Variants in MAPRE1 observed in about 807,000 individuals in gnomAD.
MAPRE1 encodes microtubule associated protein RP/EB family member 1, also known as microtubule-associated protein RP/EB family member 1.
Under a neutral mutation model 32.1 loss-of-function variants are expected in MAPRE1, and 5 were observed. The ratio of observed to expected loss-of-function variants is 0.16; its 90% CI spans 0.08 to 0.33. The LOEUF (loss-of-function observed/expected upper bound fraction) is 0.33. Ranked by LOEUF, MAPRE1 falls within the 10% of genes least tolerant of loss-of-function variation. MAPRE1 has a pLI of 1.00. For synonymous variants in MAPRE1, 122 were observed against 118.9 expected, an observed-to-expected ratio of 1.03 and a Z score of -0.17; for missense variants, 209 against 327.2, an observed-to-expected ratio of 0.64 and a Z score of 2.79.
chr20:32,835,364 G>GTTTTTTTTTT (rs71190879), intron 3 of MAPRE1, among the ~76,000 whole-genome samples: 1,129 of 106,464 alleles, frequency 0.011, 118 homozygotes, highest in African/African-American at 0.018. Context: ...TTTTATTGGT[G>GTTTTTTTTTT]TTTTTTTTTT....
At chr20:32,837,827 A>G (rs6141827) in intron 4 of MAPRE1, among the ~76,000 whole-genome samples, 29,356 of 152,180 alleles carry the variant, frequency 0.19, 3,029 homozygotes, top group East Asian at 0.35. Context: ...TCATGCCTGT[A>G]AATCCCAGCG....
At chr20:32,835,708 T>A (rs2146131417) in intron 3 of MAPRE1, among the ~76,000 whole-genome samples, 1 of 149,648 alleles carries the variant, frequency 6.7e-6, no homozygotes, top group South Asian at 2.1e-4. Flanking sequence ...CGGGTTCAAG[T>A]GATTCTCGTG....
At chr20:32,827,780 A>G (rs1982903075) in intron 2 of MAPRE1, among the ~76,000 whole-genome samples, 2 of 151,870 alleles carry the variant, frequency 1.3e-5, no homozygotes, top group Non-Finnish European at 2.9e-5. Context: ...CCTGTAGTCC[A>G]GCTACCCGGG....
Position 32,849,878 on chromosome 20 carries a change from GATA to G in MAPRE1, c.*1152_*1154del. The G allele has an allele frequency of 6.5e-6, 1 of 152,720 alleles. No individual in the cohort carries two copies. Among genetic ancestry groups the G allele is most frequent in the Middle Eastern group, 3.4e-3 (1 of 294 alleles). 9.5% of individuals were successfully genotyped at this position (152,720 alleles called of 1,614,324 possible). A position where few individuals can be genotyped will look rare whatever the true frequency, so the allele number is the denominator to read the frequency against. On this transcript the variant is annotated 3_prime_UTR_variant, in exon 7 of 7. Transcript: ENST00000375571. ...TTGCCAGTGCACTAATCTCTTTGGA[GATA>G]AAATTCATTAGTGTGTTACTAAATG...
chr20:32,841,703 G>A (rs1983369171), intron 5 of MAPRE1, among the ~76,000 whole-genome samples: 1 of 149,170 alleles, frequency 6.7e-6, no homozygotes, highest in African/African-American at 2.5e-5. Flanking sequence ...TATCCTGGGT[G>A]ATGGAGCCCA....
intron 2 of MAPRE1, among the ~76,000 whole-genome samples, chr20:32,827,485 C>T (rs1288452826): frequency 1.3e-5 from 2 of 152,074 alleles, no homozygotes; most frequent in South Asian, 2.1e-4. Flanking sequence ...AATCGTATGA[C>T]GTGGGAAACT....
intron 2 of MAPRE1, 79 bp from the exon 3 acceptor site, chr20:32,833,638 G>A: frequency 3.0e-6 from 4 of 1,327,512 alleles, no homozygotes; most frequent in South Asian, 2.9e-5. Flanking sequence ...TTTAAAAATT[G>A]TATTTGGTTT....
At chr20:32,824,560 A>G (rs1982789521) in intron 1 of MAPRE1, among the ~76,000 whole-genome samples, 1 of 152,280 alleles carries the variant, frequency 6.6e-6, no homozygotes, top group South Asian at 2.1e-4. Context: ...TACCATTGCC[A>G]GGTAGCTCTG....
At chr20:32,823,725 C>CAAAAAATT (rs2146120103) in intron 1 of MAPRE1, among the ~76,000 whole-genome samples, 2 of 152,146 alleles carry the variant, frequency 1.3e-5, no homozygotes, top group East Asian at 3.9e-4. Flanking sequence ...CTGGTCTCTA[C>CAAAAAATT]AAAAAATTAA....
In MAPRE1 at chr20:32,847,302, A is replaced by G. The variant is rs192975127; in HGVS notation, c.750+532A>G. Among the ~76,000 whole-genome samples, 422 of 152,292 alleles carry G rather than the reference A, an allele frequency of 2.8e-3. 12 individuals carry two copies. Among genetic ancestry groups the G allele is most frequent in the Middle Eastern group, 0.01 (3 of 294 alleles). ...TGGATCCATGTTTATTGCACAGTCA[A>G]ATCTGTTGATATTAATCACGACATG... On this transcript the variant is annotated intron_variant, in intron 6 of 6. Transcript: ENST00000375571.
intron 1 of MAPRE1, 44 bp from the exon 2 acceptor site, chr20:32,825,881 G>A: frequency 1.3e-6 from 2 of 1,520,114 alleles, no homozygotes; most frequent in Non-Finnish European, 1.8e-6. Context: ...TTACTTGCAT[G>A]CCTAATGTAA....
intron 3 of MAPRE1, among the ~76,000 whole-genome samples, chr20:32,835,471 T>TGCCC (rs1983171953): frequency 6.7e-6 from 1 of 149,116 alleles, no homozygotes; most frequent in Non-Finnish European, 1.5e-5. Flanking sequence ...TGGGCAGCCC[T>TGCCC]GCCCCCAGCA....
At chr20:32,840,940 C>G (rs535785276) in intron 5 of MAPRE1, among the ~76,000 whole-genome samples, 1 of 152,152 alleles carries the variant, frequency 6.6e-6, no homozygotes, top group African/African-American at 2.4e-5. Flanking sequence ...CTCAGCCTCC[C>G]GAGTAGCTGG....
At chr20:32,837,340 C>T (rs1354936824) in intron 4 of MAPRE1, among the ~76,000 whole-genome samples, 3 of 152,184 alleles carry the variant, frequency 2.0e-5, no homozygotes, top group Non-Finnish European at 4.4e-5. Flanking sequence ...TGTATACTCA[C>T]AGCTTCCCTA....
At chr20:32,838,325 A>C (rs113176577) in intron 4 of MAPRE1, among the ~76,000 whole-genome samples, 3,577 of 152,232 alleles carry the variant, frequency 0.023, 53 homozygotes, top group Non-Finnish European at 0.036. Context: ...TCAGTCCTTC[A>C]TTCTTTTTTA....
chr20:32,833,226 T>C (rs1384703007), intron 2 of MAPRE1, among the ~76,000 whole-genome samples: 1 of 151,964 alleles, frequency 6.6e-6, no homozygotes, highest in Non-Finnish European at 1.5e-5. Context: ...AAATGATAGG[T>C]TAAATGTATT....
chr20:32,841,006 G>A (rs1323523327), intron 5 of MAPRE1, among the ~76,000 whole-genome samples: 1 of 152,094 alleles, frequency 6.6e-6, no homozygotes, highest in Admixed American at 6.5e-5. Context: ...AGTAGAGACA[G>A]GGTTTCACCA....
chr20:32,844,703 C>T (rs757292324), intron 5 of MAPRE1, among the ~76,000 whole-genome samples: 14 of 152,202 alleles, frequency 9.2e-5, no homozygotes, highest in African/African-American at 1.9e-4. Flanking sequence ...TGAGCCACTG[C>T]GCCTGGCCAG....
intron 3 of MAPRE1, among the ~76,000 whole-genome samples, chr20:32,835,362 G>GTTTTTTTTTTTT (rs1198541946): frequency 1.6e-5 from 1 of 61,024 alleles, no homozygotes; most frequent in Non-Finnish European, 2.6e-5. Flanking sequence ...GTTTTTATTG[G>GTTTTTTTTTTTT]TGTTTTTTTT....
Sources: allele counts gnomAD v4.1 joint callset (sites outside exome capture counted in the v4.1 genomes callset), GRCh38; gene constraint gnomAD v4.1.1; transcripts MANE v1.5; gene names NCBI Gene and HGNC (gene_info 2026-07-23, HGNC 2026-07-21).